FBN2: variants seen among roughly 807,000 people sequenced by gnomAD.
The protein encoded by FBN2 is fibrillin 2, also known as fibrillin-2.
Under a neutral mutation model 355.6 loss-of-function variants are expected in FBN2, and 105 were observed. The observed-to-expected ratio is 0.30, with a 90% CI of 0.25 to 0.35. FBN2 has a LOEUF of 0.35. Ranked by LOEUF, FBN2 falls within the 10% of genes least tolerant of loss-of-function variation. The pLI is 1.00. For synonymous variants in FBN2, 1,350 were observed against 1,301.2 expected, an observed-to-expected ratio of 1.04 and a Z score of -0.81; for missense variants, 3,280 against 3,758.7, an observed-to-expected ratio of 0.87 and a Z score of 3.33.
chr5:128,466,172 T>A (rs564735743), intron 5 of FBN2, among the ~76,000 whole-genome samples: 1 of 152,350 alleles, frequency 6.6e-6, no homozygotes, highest in Non-Finnish European at 1.5e-5. Flanking sequence ...TTTCTGAGGA[T>A]TCACCAATTC....
intron 36 of FBN2, 59 bp from the exon 37 acceptor site, chr5:128,312,854 T>C (rs1434122079): frequency 6.3e-7 from 1 of 1,579,348 alleles, no homozygotes; most frequent in East Asian, 2.2e-5. Flanking sequence ...GACTCCATTT[T>C]AGGGAAAAGT....
chr5:128,535,955 G>GA (rs1365967490), intron 2 of FBN2, among the ~76,000 whole-genome samples: 3 of 151,986 alleles, frequency 2.0e-5, no homozygotes, highest in Non-Finnish European at 4.4e-5. Flanking sequence ...CCAGAAATAA[G>GA]AAAGTGGTTT....
chr5:128,285,818 A>G (rs1347495762), intron 55 of FBN2, among the ~76,000 whole-genome samples: 1 of 152,246 alleles, frequency 6.6e-6, no homozygotes, highest in Non-Finnish European at 1.5e-5. Context: ...TATAAAATTC[A>G]GCTAGTTATA....
chr5:128,481,429 GC>G (rs1374461465), intron 5 of FBN2, among the ~76,000 whole-genome samples: 1 of 152,158 alleles, frequency 6.6e-6, no homozygotes, highest in African/African-American at 2.4e-5. Context: ...TATGCGTCAT[GC>G]CACTGAGAGG....
chr5:128,455,550 G>C (rs1477608418), intron 6 of FBN2, among the ~76,000 whole-genome samples: 1 of 152,036 alleles, frequency 6.6e-6, no homozygotes, highest in Non-Finnish European at 1.5e-5. Flanking sequence ...GTCTCTCAGA[G>C]GCTCCCATCA....
intron 60 of FBN2, 134 bp downstream of exon 60, chr5:128,274,432 TC>T (rs1394374236): frequency 2.7e-5 from 19 of 695,392 alleles, no homozygotes; most frequent in Non-Finnish European, 4.7e-5. Flanking sequence ...ATTAGCAACT[TC>T]TTTAGACCAC....
chr5:128,335,035 T>C, intron 30 of FBN2, 135 bp downstream of exon 30: 1 of 1,359,868 alleles, frequency 7.4e-7, no homozygotes, highest in South Asian at 1.2e-5. Flanking sequence ...TTCCTGAGAT[T>C]TTACAGTTCT....
chr5:128,309,371 G>A lies in FBN2; in HGVS notation c.5229C>T (p.Ser1743=), dbSNP rs533103616. The stretch of plus-strand genomic sequence containing the variant: ...CATTCTCACAAGTGGTTCCATTATA[G>A]CTTCGGTAGCAAAAGCTTTTTCTCA... The part of the protein sequence containing the change: ...MDMRKSFCYR[S]YNGTTCENEL... Residue 1743 remains serine, a synonymous_variant, in exon 41 of 65, where the codon AGC becomes AGT. Coordinates refer to ENST00000262464, the MANE Select transcript of FBN2 (RefSeq NM_001999.4). The A allele has an allele frequency of 6.2e-7, 1 of 1,613,924 alleles. No individual in the cohort carries two copies. The highest frequency in any genetic ancestry group is 8.5e-7 in the Non-Finnish European group (1 of 1,179,850).
At chr5:128,428,593 C>T (rs1313704698) in intron 7 of FBN2, among the ~76,000 whole-genome samples, 7 of 152,148 alleles carry the variant, frequency 4.6e-5, no homozygotes, top group Non-Finnish European at 1.0e-4. Context: ...AGTGACTTTC[C>T]CTGGTTGCCT....
intron 4 of FBN2, among the ~76,000 whole-genome samples, chr5:128,527,305 G>A (rs1434825243): frequency 2.0e-5 from 3 of 152,122 alleles, no homozygotes; most frequent in Non-Finnish European, 4.4e-5. Context: ...ATTCTCCAGT[G>A]AAGGTACCAG....
intron 5 of FBN2, among the ~76,000 whole-genome samples, chr5:128,509,844 C>T (rs1348542855): frequency 6.6e-6 from 1 of 152,122 alleles, no homozygotes; most frequent in African/African-American, 2.4e-5. Context: ...CTAACCAATA[C>T]CCCACCAATT....
At chr5:128,461,795 G>T (rs1477173483) in intron 6 of FBN2, among the ~76,000 whole-genome samples, 1 of 147,234 alleles carries the variant, frequency 6.8e-6, no homozygotes, top group Non-Finnish European at 1.5e-5. Flanking sequence ...AGTGAGAGTT[G>T]AACATTGAAA....
At chr5:128,393,504 A>C in intron 9 of FBN2, 136 bp from the exon 10 acceptor site, 1 of 693,250 alleles carries the variant, frequency 1.4e-6, no homozygotes, top group Non-Finnish European at 2.5e-6. Context: ...ATCTCAATAC[A>C]TGTTTTTAAT....
intron 6 of FBN2, among the ~76,000 whole-genome samples, chr5:128,456,001 A>AAAAAAAAAAAAAAAAAC: frequency 7.4e-6 from 1 of 135,452 alleles, no homozygotes. Context: ...AAAAAAAAAA[A>AAAAAAAAAAAAAAAAAC]AAAAAAAAAA....
At chr5:128,453,994 C>CG (rs1267783939) in intron 6 of FBN2, among the ~76,000 whole-genome samples, 3 of 150,740 alleles carry the variant, frequency 2.0e-5, no homozygotes, top group Non-Finnish European at 4.4e-5. Flanking sequence ...TGGCTTGCCC[C>CG]CCCCCCAAGT....
At chr5:128,279,505 G>A (rs1480043921) in intron 56 of FBN2, among the ~76,000 whole-genome samples, 1 of 151,888 alleles carries the variant, frequency 6.6e-6, no homozygotes, top group Non-Finnish European at 1.5e-5. Context: ...AACAAAAAAT[G>A]TTTTTTTGAT....
chr5:128,432,672 G>T (rs1753656950), intron 7 of FBN2, among the ~76,000 whole-genome samples: 1 of 151,942 alleles, frequency 6.6e-6, no homozygotes, highest in Non-Finnish European at 1.5e-5. Flanking sequence ...GACTTTAGGT[G>T]GTCTGTGGAC....
At position 128,537,345 on chromosome 5, in the gene FBN2, C is replaced by T. The variant is rs777758627; in HGVS notation, c.254+5G>A. ...CCCTAGGTGCGGAGCCGCTTGCCCACTTACCCTCGGAGCACGTCCTGCTGT... is the reference window on the plus strand; with the variant it reads ...CCCTAGGTGCGGAGCCGCTTGCCCATTTACCCTCGGAGCACGTCCTGCTGT... On this transcript the variant is annotated splice_donor_5th_base_variant and intron_variant, in intron 1 of 64. Transcript: ENST00000262464. The T allele has an allele frequency of 1.2e-6, 2 of 1,610,176 alleles. No homozygotes were observed.
At chr5:128,509,283 T>C (rs976132379) in intron 5 of FBN2, among the ~76,000 whole-genome samples, 2 of 152,174 alleles carry the variant, frequency 1.3e-5, no homozygotes, top group Non-Finnish European at 2.9e-5. Context: ...TTAAGCCTTT[T>C]TTTCTTTGTG....
Sources: allele counts gnomAD v4.1 joint callset (sites outside exome capture counted in the v4.1 genomes callset), GRCh38; gene constraint gnomAD v4.1.1; transcripts MANE v1.5; gene names NCBI Gene and HGNC (gene_info 2026-07-23, HGNC 2026-07-21).